The following TMEM132C variants were observed in gnomAD, a reference collection of about 807,000 sequenced individuals.
TMEM132C encodes protein phosphatase 1, regulatory subunit 152.
TMEM132C carries 29 observed loss-of-function variants against 61.4 expected under a neutral mutation model. The observed-to-expected ratio is 0.47, with a 90% CI of 0.35 to 0.64. TMEM132C has a LOEUF of 0.64. TMEM132C is among the 30% of genes least tolerant of loss of function. TMEM132C has a pLI of 0.00. For synonymous variants in TMEM132C, 656 were observed against 633.1 expected (o/e 1.04, Z -0.54); for missense variants, 1,408 against 1,476.9 (o/e 0.95, Z 0.76).
chr12:128,476,205 G>T (rs536285686), intron 2 of TMEM132C, among the ~76,000 whole-genome samples: 3 of 152,144 alleles, frequency 2.0e-5, no homozygotes, highest in Non-Finnish European at 2.9e-5. Context: ...GGATTAATTC[G>T]CTTGGAATGA....
intron 2 of TMEM132C, among the ~76,000 whole-genome samples, chr12:128,524,944 G>T (rs1417938161): frequency 6.6e-6 from 1 of 152,202 alleles, no homozygotes; most frequent in Non-Finnish European, 1.5e-5. Flanking sequence ...TGGGATAGAA[G>T]ACTCTCCTTC....
In TMEM132C at chr12:128,415,551, A is replaced by G. The variant is rs927115308; in HGVS notation, c.905A>G (p.Lys302Arg). ...VVIWLPSRPV[K>R]QGEVVTAYVT... ...ATCTGGCTGCCTTCCAGGCCAGTCA[A>G]GCAGGGAGAGGTGGTCACGGCCTAT... The change falls in exon 2 of 9, where the codon AAG (lysine) becomes AGG (arginine). Residue 302 changes from lysine to arginine, a missense_variant. Lys to Arg is a conservative substitution (Grantham distance 26, BLOSUM62 2). Coordinates refer to ENST00000435159, the MANE Select transcript of TMEM132C (RefSeq NM_001136103.3). The surrounding 1 kb of genome is among the most constrained non-coding windows in gnomAD (Gnocchi z 5.8). The G allele has an allele frequency of 9.0e-6, 14 of 1,551,196 alleles. 1 individual carries two copies. The highest frequency in any genetic ancestry group is 3.9e-5 in the Admixed American group (2 of 50,984).
At chr12:128,588,772 G>T (rs923553611) in intron 3 of TMEM132C, among the ~76,000 whole-genome samples, 1 of 152,130 alleles carries the variant, frequency 6.6e-6, no homozygotes, top group African/African-American at 2.4e-5. Flanking sequence ...AAGGACCCTC[G>T]TCAGACACCA....
chr12:128,355,016 T>A (rs1437599504), intron 1 of TMEM132C, among the ~76,000 whole-genome samples: 1 of 152,202 alleles, frequency 6.6e-6, no homozygotes, highest in Admixed American at 6.5e-5. Flanking sequence ...AACCTTTCAG[T>A]GGGGAAACCA....
At chr12:128,427,260 G>A (rs1268182577) in intron 2 of TMEM132C, among the ~76,000 whole-genome samples, 1 of 152,108 alleles carries the variant, frequency 6.6e-6, no homozygotes, top group Non-Finnish European at 1.5e-5. Flanking sequence ...CATTTTGATT[G>A]CATCGTGCTT....
intron 2 of TMEM132C, among the ~76,000 whole-genome samples, chr12:128,473,345 T>C (rs1871030669): frequency 6.6e-6 from 1 of 152,046 alleles, no homozygotes; most frequent in African/African-American, 2.4e-5. Context: ...CCAGCCTCCT[T>C]CTTCATCTTC....
At chr12:128,392,857 G>T (rs1874813568) in intron 1 of TMEM132C, among the ~76,000 whole-genome samples, 1 of 152,000 alleles carries the variant, frequency 6.6e-6, no homozygotes, top group African/African-American at 2.4e-5. Context: ...GTCTTGGGCT[G>T]CATTCAAAGC....
At chr12:128,474,703 G>T (rs1168060851) in intron 2 of TMEM132C, among the ~76,000 whole-genome samples, 3 of 152,170 alleles carry the variant, frequency 2.0e-5, no homozygotes, top group Admixed American at 1.3e-4. Context: ...TAGCCCGTTT[G>T]TGCCACTCCA....
chr12:128,397,184 G>A (rs1345598806), intron 1 of TMEM132C, among the ~76,000 whole-genome samples: 1 of 152,104 alleles, frequency 6.6e-6, no homozygotes, highest in East Asian at 1.9e-4. Flanking sequence ...ACTCCCCCAC[G>A]GGTAGAAGGT....
intron 2 of TMEM132C, among the ~76,000 whole-genome samples, chr12:128,510,453 C>G (rs1387970063): frequency 6.6e-6 from 1 of 152,224 alleles, no homozygotes. Context: ...TTGCTTGTCT[C>G]TCTGCCCTGC....
At chr12:128,441,158 C>A (rs2136047156) in intron 2 of TMEM132C, among the ~76,000 whole-genome samples, 1 of 152,350 alleles carries the variant, frequency 6.6e-6, no homozygotes, top group Non-Finnish European at 1.5e-5. Flanking sequence ...AGGCATTCAG[C>A]TCTTCTTGAA....
At chr12:128,473,066 G>T (rs1231328552) in intron 2 of TMEM132C, among the ~76,000 whole-genome samples, 1 of 145,610 alleles carries the variant, frequency 6.9e-6, no homozygotes, top group Admixed American at 6.9e-5. Context: ...TCTGGCTTTA[G>T]GTATCCCTTG....
chr12:128,501,868 C>T (rs778760474), intron 2 of TMEM132C, among the ~76,000 whole-genome samples: 5 of 152,182 alleles, frequency 3.3e-5, no homozygotes, highest in Non-Finnish European at 5.9e-5. Context: ...TCAACCATTG[C>T]CTCCCAAGCC....
intron 2 of TMEM132C, among the ~76,000 whole-genome samples, chr12:128,505,384 G>A (rs924506655): frequency 6.6e-6 from 1 of 152,154 alleles, no homozygotes; most frequent in Non-Finnish European, 1.5e-5. Flanking sequence ...GTCAGTGTGA[G>A]TTACTTGCTC....
intron 2 of TMEM132C, among the ~76,000 whole-genome samples, chr12:128,498,614 G>A (rs1046212966): frequency 2.0e-4 from 31 of 152,192 alleles, no homozygotes; most frequent in Admixed American, 2.0e-3. Context: ...GACAGATGTT[G>A]CAGCAAGCTG....
chr12:128,558,049 A>C (rs1238218928), intron 3 of TMEM132C, among the ~76,000 whole-genome samples: 1 of 152,206 alleles, frequency 6.6e-6, no homozygotes, highest in Non-Finnish European at 1.5e-5. Flanking sequence ...ATGAGATGAT[A>C]AGTAATAATA....
rs777241738 is a variant in TMEM132C at position 128,696,012 on chromosome 12, C to A, written c.1838C>A (p.Ala613Glu). 3.2e-6 allele frequency: 5 copies of A among 1,551,790 alleles called. No individual in the cohort carries two copies. The South Asian group carries it at 5.9e-5, about 18-fold the overall frequency. Residue 613 changes from alanine (A) to glutamate (E), a missense_variant, in exon 7 of 9, where the codon GCA becomes GAA. Ala to Glu is a moderately radical substitution (Grantham distance 107, BLOSUM62 -1). Transcript: ENST00000435159. ...NWQFDITHLVADFMKLEEPHV... is the reference protein window; with the variant it reads ...NWQFDITHLVEDFMKLEEPHV... ...CAGTTCGACATCACTCACCTGGTGG[C>A]AGACTTCATGAAGCTGGAGGAACCT...
chr12:128,685,681 G>A (rs1954667783), intron 5 of TMEM132C, among the ~76,000 whole-genome samples: 1 of 152,212 alleles, frequency 6.6e-6, no homozygotes, highest in Non-Finnish European at 1.5e-5. Flanking sequence ...TGTCCATGAT[G>A]GAGGAGAAGG....
intron 3 of TMEM132C, among the ~76,000 whole-genome samples, chr12:128,557,230 C>T (rs1453108337): frequency 6.6e-6 from 1 of 152,194 alleles, no homozygotes; most frequent in South Asian, 2.1e-4. Flanking sequence ...TCTTTTGGCA[C>T]CCAAGCCTCA....
Sources: gnomAD v4.1 joint callset for allele counts (sites outside exome capture counted in the v4.1 genomes callset) on GRCh38, gnomAD v4.1.1 for gene constraint, Gnocchi (gnomAD v3.1) non-coding constraint, MANE v1.5 for transcripts, NCBI Gene and HGNC (gene_info 2026-07-23, HGNC 2026-07-21) for gene names.